SMAP2: variants seen among roughly 807,000 people sequenced by gnomAD.
SMAP2 encodes the protein stromal membrane-associated protein 2.
Under a neutral mutation model 56.4 loss-of-function variants are expected in SMAP2, and 25 were observed. The observed-to-expected ratio is 0.44, with a 90% CI of 0.32 to 0.62. SMAP2 has a LOEUF of 0.62. Among genes scored for constraint, SMAP2 ranks in the 20% least tolerant of loss-of-function variants. SMAP2 has a pLI of 0.04. For missense variants in SMAP2, 388 were observed against 545.6 expected (o/e 0.71, Z 2.88); for synonymous variants, 157 against 181.7 (o/e 0.86, Z 1.09).
At chr1:40,373,476 T>C (rs1175093577), upstream of SMAP2, among the ~76,000 whole-genome samples, 1 of 152,200 alleles carries the variant, frequency 6.6e-6, no homozygotes, top group African/African-American at 2.4e-5. Flanking sequence ...AGTTGTTGTC[T>C]TCCTTCACTT....
chr1:40,389,178 A>C (rs1181678082), intron 1 of SMAP2, among the ~76,000 whole-genome samples: 1 of 152,228 alleles, frequency 6.6e-6, no homozygotes, highest in Non-Finnish European at 1.5e-5. Context: ...TGATGTGCGG[A>C]AATACCCTTG....
chr1:40,402,516 C>G (rs1230346981), intron 1 of SMAP2, among the ~76,000 whole-genome samples: 4 of 150,446 alleles, frequency 2.7e-5, no homozygotes, highest in African/African-American at 7.4e-5. Context: ...GTGGTGTGAT[C>G]TCGGCTCATT....
chr1:40,414,770 G>A (rs1294910829), intron 6 of SMAP2, among the ~76,000 whole-genome samples: 1 of 152,112 alleles, frequency 6.6e-6, no homozygotes, highest in African/African-American at 2.4e-5. Flanking sequence ...TTCTGAGATG[G>A]CCTGTGGTCA....
At chr1:40,346,909 G>A (rs1002376497) in intron 1 of SMAP2, among the ~76,000 whole-genome samples, 1 of 151,910 alleles carries the variant, frequency 6.6e-6, no homozygotes, top group Non-Finnish European at 1.5e-5. Context: ...AGGCTGGAGT[G>A]CACAATCATA....
At chr1:40,391,038 T>C (rs77378960) in intron 1 of SMAP2, among the ~76,000 whole-genome samples, 1,613 of 152,268 alleles carry the variant, frequency 0.011, 31 homozygotes, top group African/African-American at 0.038. Flanking sequence ...GTCCAGGGCA[T>C]TTTAGAATGT....
chr1:40,420,534 G>T (rs1645032396), intron 9 of SMAP2, among the ~76,000 whole-genome samples: 1 of 152,174 alleles, frequency 6.6e-6, no homozygotes, highest in African/African-American at 2.4e-5. Flanking sequence ...GACAGTAGTT[G>T]TAAAAAGAGC....
At chr1:40,382,148 C>T (rs758108125) in intron 1 of SMAP2, among the ~76,000 whole-genome samples, 8 of 152,024 alleles carry the variant, frequency 5.3e-5, no homozygotes, top group African/African-American at 9.7e-5. Context: ...CATCTGATGT[C>T]ATTATGGTAT....
chr1:40,372,243 C>A (rs1319890696), upstream of SMAP2, among the ~76,000 whole-genome samples: 1 of 152,136 alleles, frequency 6.6e-6, no homozygotes, highest in Non-Finnish European at 1.5e-5. Context: ...AACTAAGGTA[C>A]AATCACCACT....
intron 1 of SMAP2, among the ~76,000 whole-genome samples, chr1:40,388,149 T>A (rs1644678944): frequency 6.6e-6 from 1 of 152,066 alleles, no homozygotes; most frequent in South Asian, 2.1e-4. Flanking sequence ...CTCTGTGGGC[T>A]CCTGTGCAGC....
At chr1:40,389,149 G>A (rs558424832) in intron 1 of SMAP2, among the ~76,000 whole-genome samples, 71 of 152,232 alleles carry the variant, frequency 4.7e-4, no homozygotes, top group Admixed American at 2.4e-3. Flanking sequence ...CACCAATTCC[G>A]GACACAACAT....
chr1:40,416,448 C>A, intron 8 of SMAP2, 107 bp downstream of exon 8: 1 of 1,311,088 alleles, frequency 7.6e-7, no homozygotes, highest in Non-Finnish European at 1.1e-6. Flanking sequence ...GCCAGGATGT[C>A]ATACACCAAA....
chr1:40,405,935 A>G (rs1338743688), intron 1 of SMAP2, among the ~76,000 whole-genome samples: 1 of 152,210 alleles, frequency 6.6e-6, no homozygotes, highest in Non-Finnish European at 1.5e-5. Context: ...GAAACAAGAT[A>G]CTTCAGTAGT....
At chr1:40,346,185 C>T (rs888861806) in intron 1 of SMAP2, among the ~76,000 whole-genome samples, 4 of 151,120 alleles carry the variant, frequency 2.6e-5, no homozygotes, top group Non-Finnish European at 4.4e-5. Flanking sequence ...AGCTAGATGA[C>T]GATGAAAATG....
Position 40,408,549 on chromosome 1 carries a change from C to A in SMAP2, c.238-104C>A. Reference sequence around the variant, plus strand: ...AAGTTTAAATGTTGGTTCTGACACTCTCTAGGTTGGTTCTTCAATTGTACA... The same window carrying A: ...AAGTTTAAATGTTGGTTCTGACACTATCTAGGTTGGTTCTTCAATTGTACA... On this transcript the variant is annotated intron_variant, in intron 2 of 9. Transcript: ENST00000372718. This position sits in a 1 kb window ranked among gnomAD's most constrained non-coding sequence, Gnocchi z 4.3. 2 of 859,760 alleles carry A rather than the reference C, an allele frequency of 2.3e-6. No homozygotes were observed. Among genetic ancestry groups the A allele is most frequent in the Non-Finnish European group, 1.9e-6 (1 of 522,842 alleles). The allele number at this position is 859,760 out of a possible 1,614,324, so 53.3% of individuals were successfully genotyped here. A position where few individuals can be genotyped will look rare whatever the true frequency, so the allele number is the denominator to read the frequency against.
At position 40,406,779 on chromosome 1, in the gene SMAP2, T is replaced by C. The variant is rs763773628; in HGVS notation, c.147T>C (p.Ile49=). The part of the protein sequence containing the change: ...ASWNIGVFIC[I]RCAGIHRNLG... The stretch of plus-strand genomic sequence containing the variant: ...GGAACATTGGTGTGTTCATCTGCAT[T>C]CGATGTGCTGGAATCCACAGGAATC... Residue 49 remains isoleucine (I), a synonymous_variant, in exon 2 of 10, where the codon ATT becomes ATC. Transcript: ENST00000372718. 3 of 1,614,006 alleles carry C rather than the reference T, an allele frequency of 1.9e-6. No homozygotes were observed. The highest frequency in any genetic ancestry group is 2.5e-6 in the Non-Finnish European group (3 of 1,179,986).
intron 4 of SMAP2, among the ~76,000 whole-genome samples, chr1:40,410,767 G>A (rs1644927880): frequency 6.6e-6 from 1 of 152,146 alleles, no homozygotes; most frequent in African/African-American, 2.4e-5. Context: ...CATGATTTCT[G>A]AAAGAGGAAA....
chr1:40,400,515 A>G (rs1193307034), intron 1 of SMAP2, among the ~76,000 whole-genome samples: 1 of 152,154 alleles, frequency 6.6e-6, no homozygotes, highest in Non-Finnish European at 1.5e-5. Flanking sequence ...AAATAGTGAT[A>G]CAGATGGAGA....
chr1:40,409,769 A>T lies in SMAP2; in HGVS notation c.336A>T (p.Gly112=). The change falls in exon 4 of 10, where the codon GGA becomes GGT. Residue 112 remains glycine (G), a synonymous_variant. Coordinates refer to ENST00000372718, the MANE Select transcript of SMAP2 (RefSeq NM_022733.3). ...AAGCTTTTTGCAGAGCTGTTGAAGG[A>T]TTTATTCGAGACAAATATGAGAAGA... ...RRPQIDPAVE[G]FIRDKYEKKK... The T allele has an allele frequency of 6.2e-7, 1 of 1,612,364 alleles. No individual in the cohort carries two copies. Among genetic ancestry groups the T allele is most frequent in the Non-Finnish European group, 8.5e-7 (1 of 1,178,410 alleles).
rs938974913 is a variant in SMAP2, at chr1:40,374,893, G to A, written c.103+670G>A. On this transcript the variant is annotated intron_variant, in intron 1 of 9. Transcript: ENST00000372718. This position sits in a 1 kb window ranked among gnomAD's most constrained non-coding sequence, Gnocchi z 5.9. ...CCCTGGCTTGTAGAGTGCGTTGGAGGCCTATGTATGAGTGGTGGCAGAAAC... is the reference window on the plus strand; with the variant it reads ...CCCTGGCTTGTAGAGTGCGTTGGAGACCTATGTATGAGTGGTGGCAGAAAC... The A allele has an allele frequency of 1.3e-5, 13 of 985,218 alleles. No individual in the cohort carries two copies. Among genetic ancestry groups the A allele is most frequent in the African/African-American group, 3.5e-5 (2 of 57,200 alleles). 61.0% of individuals were successfully genotyped at this position (985,218 alleles called of 1,614,324 possible). A position where few individuals can be genotyped will look rare whatever the true frequency, so the allele number is the denominator to read the frequency against.
Sources: gnomAD v4.1 joint callset for allele counts (sites outside exome capture counted in the v4.1 genomes callset) on GRCh38, gnomAD v4.1.1 for gene constraint, Gnocchi (gnomAD v3.1) non-coding constraint, MANE v1.5 for transcripts, NCBI Gene and HGNC (gene_info 2026-07-23, HGNC 2026-07-21) for gene names.